Variants in RBFOX1 observed in about 807,000 individuals in gnomAD.
RBFOX1 encodes RNA binding fox-1 homolog 1, also known as RNA binding protein fox-1 homolog 1.
In RBFOX1, 8 loss-of-function variants were observed where a neutral mutation model predicts 57.7. That is an observed-to-expected ratio of 0.14 (90% confidence interval 0.08 to 0.25). The LOEUF (loss-of-function observed/expected upper bound fraction) is 0.25. RBFOX1 is among the 10% of genes least tolerant of loss of function. The pLI, the probability that RBFOX1 is intolerant of heterozygous loss-of-function variation, is 1.00. For missense variants in RBFOX1, 611 were observed against 548.5 expected (o/e 1.11, Z -1.14); for synonymous variants, 326 against 222.4 (o/e 1.47, Z -4.15).
At chr16:5,395,583 A>T (rs1217310932) in intron 1 of RBFOX1, among the ~76,000 whole-genome samples, 1 of 152,046 alleles carries the variant, frequency 6.6e-6, no homozygotes, top group African/African-American at 2.4e-5. Context: ...TGTGGTGGAG[A>T]CGTTCAGGTG....
chr16:5,374,099 G>A (rs561990613), intron 1 of RBFOX1, among the ~76,000 whole-genome samples: 9 of 152,188 alleles, frequency 5.9e-5, no homozygotes, highest in African/African-American at 2.2e-4. Flanking sequence ...CATCATGTGC[G>A]GCTAATTTTT....
chr16:5,408,868 C>T (rs183797713), intron 1 of RBFOX1, among the ~76,000 whole-genome samples: 7 of 152,288 alleles, frequency 4.6e-5, no homozygotes, highest in East Asian at 1.9e-4. Flanking sequence ...CTCACAGTCA[C>T]GAAGACTGTT....
rs576543614 is a variant in RBFOX1 at position 6,920,973 on chromosome 16, C to G, written c.-15-131084C>G. On this transcript the variant is annotated intron_variant, in intron 3 of 15. Coordinates refer to ENST00000550418, the MANE Select transcript of RBFOX1 (RefSeq NM_018723.4). ...TGTAATGACTATCAGAGAATGGATT[C>G]TATAGTTACTGGATAAGTTTGCCCT... is the stretch of plus-strand genomic sequence containing the variant. Among the ~76,000 whole-genome samples, 14 of 152,278 alleles carry G rather than the reference C, an allele frequency of 9.2e-5. 1 individual carries two copies. The highest frequency in any genetic ancestry group is 2.1e-4 in the South Asian group (1 of 4,830).
intron 3 of RBFOX1, 54 bp downstream of exon 3, chr16:6,654,704 A>G: frequency 1.4e-6 from 2 of 1,385,560 alleles, no homozygotes; most frequent in East Asian, 5.2e-5. Flanking sequence ...AACTCTGTGA[A>G]TTGAACCCAG....
At chr16:6,765,023 G>GA (rs201378243) in intron 3 of RBFOX1, among the ~76,000 whole-genome samples, 7,706 of 147,648 alleles carry the variant, frequency 0.052, 423 homozygotes, top group East Asian at 0.3. Flanking sequence ...AAGGTTTTCA[G>GA]AAAAAAAAAA....
chr16:7,229,531 GGAGGAAGGGAAGGAGAGAGA>G (rs2093352873), intron 4 of RBFOX1, among the ~76,000 whole-genome samples: 1 of 150,576 alleles, frequency 6.6e-6, no homozygotes, highest in Admixed American at 6.6e-5. Flanking sequence ...GAGAGGAGAG[GGAGGAAGGGAAGGAGAGAGA>G]GAGGAAGGAA....
intron 4 of RBFOX1, among the ~76,000 whole-genome samples, chr16:7,489,025 A>G (rs921404814): frequency 6.6e-6 from 1 of 152,128 alleles, no homozygotes; most frequent in African/African-American, 2.4e-5. Context: ...CTACCTATGC[A>G]TCTATCTCTA....
intron 3 of RBFOX1, among the ~76,000 whole-genome samples, chr16:5,769,131 T>C (rs2053891003): frequency 6.6e-6 from 1 of 151,852 alleles, no homozygotes; most frequent in Non-Finnish European, 1.5e-5. Context: ...GAGAGGTGAG[T>C]GACTGCATTT....
chr16:6,413,501 A>C (rs527685864), intron 2 of RBFOX1, among the ~76,000 whole-genome samples: 25 of 152,204 alleles, frequency 1.6e-4, no homozygotes, highest in Non-Finnish European at 3.1e-4. Context: ...AGGACAGTGA[A>C]ATTTTTAGTC....
At chr16:6,557,833 G>C (rs1016376406) in intron 2 of RBFOX1, among the ~76,000 whole-genome samples, 5 of 152,200 alleles carry the variant, frequency 3.3e-5, no homozygotes, top group African/African-American at 1.2e-4. Context: ...AAGTAGATTT[G>C]TAGGCTAATT....
chr16:7,019,485 C>T (rs370494778), intron 3 of RBFOX1, among the ~76,000 whole-genome samples: 1 of 152,204 alleles, frequency 6.6e-6, no homozygotes, highest in South Asian at 2.1e-4. Flanking sequence ...GTTAAGTTGT[C>T]AAAAGCTCTC....
intron 2 of RBFOX1, among the ~76,000 whole-genome samples, chr16:5,590,062 C>A (rs975060456): frequency 1.4e-5 from 2 of 143,532 alleles, no homozygotes; most frequent in African/African-American, 2.7e-5. Context: ...CACACACACA[C>A]ACACACACAC....
At chr16:6,557,860 A>G (rs2097126699) in intron 2 of RBFOX1, among the ~76,000 whole-genome samples, 1 of 152,178 alleles carries the variant, frequency 6.6e-6, no homozygotes, top group Non-Finnish European at 1.5e-5. Context: ...TCATTTTAAT[A>G]TTGTGTATTC....
At chr16:6,829,246 G>A (rs77770228) in intron 3 of RBFOX1, among the ~76,000 whole-genome samples, 18 of 141,524 alleles carry the variant, frequency 1.3e-4, no homozygotes, top group Non-Finnish European at 9.3e-5. Flanking sequence ...AATGCAGTCA[G>A]AAAAAAAAAA....
At chr16:6,606,055 G>T (rs964765727) in intron 2 of RBFOX1, among the ~76,000 whole-genome samples, 1 of 152,056 alleles carries the variant, frequency 6.6e-6, no homozygotes, top group African/African-American at 2.4e-5. Context: ...GTTGCAATGA[G>T]CCGAGATCAC....
intron 2 of RBFOX1, among the ~76,000 whole-genome samples, chr16:5,501,060 A>C (rs916200858): frequency 2.0e-5 from 3 of 152,148 alleles, no homozygotes; most frequent in Non-Finnish European, 4.4e-5. Flanking sequence ...TCACCCCTGT[A>C]ATCCCAGCAC....
intron 4 of RBFOX1, among the ~76,000 whole-genome samples, chr16:7,364,152 G>T (rs1256895865): frequency 6.6e-6 from 1 of 152,154 alleles, no homozygotes; most frequent in Non-Finnish European, 1.5e-5. Flanking sequence ...TGGGGTGCAG[G>T]AGTCTACAAC....
chr16:5,594,016 CA>C (rs767123967), intron 2 of RBFOX1, among the ~76,000 whole-genome samples: 7 of 152,012 alleles, frequency 4.6e-5, no homozygotes, highest in Non-Finnish European at 1.0e-4. Context: ...GCCCATTGTT[CA>C]TGAGGCTTTG....
chr16:6,155,212 C>G lies in RBFOX1; in HGVS notation c.-127+135220C>G, dbSNP rs139805625. Among the ~76,000 whole-genome samples, 54 of 152,310 alleles carry G rather than the reference C, an allele frequency of 3.5e-4. 3 individuals carry two copies. In the East Asian group the frequency reaches 9.5e-3, roughly 27 times the overall value. ...CATTGACTGCTTTGGACATTACAAT[C>G]TGCCATCTCTTCCTCTGGGGCATCC... On this transcript the variant is annotated intron_variant, in intron 1 of 15. Coordinates refer to ENST00000550418, the MANE Select transcript of RBFOX1 (RefSeq NM_018723.4).
Sources: gnomAD v4.1 joint callset for allele counts (sites outside exome capture counted in the v4.1 genomes callset) on GRCh38, gnomAD v4.1.1 for gene constraint, MANE v1.5 for transcripts, NCBI Gene and HGNC (gene_info 2026-07-23, HGNC 2026-07-21) for gene names.